The following TTC21B variants were observed in gnomAD, a reference collection of about 807,000 sequenced individuals.
TTC21B encodes the protein tetratricopeptide repeat domain 21B, also known as tetratricopeptide repeat protein 21B.
Under a neutral mutation model 175.1 loss-of-function variants are expected in TTC21B, and 127 were observed. The observed-to-expected ratio is 0.73, with a 90% CI of 0.63 to 0.84. TTC21B has a LOEUF of 0.84. Ranked by LOEUF, TTC21B falls within the 40% of genes least tolerant of loss-of-function variation. TTC21B has a pLI of 0.00. For synonymous variants in TTC21B, 524 were observed against 524.5 expected (o/e 1.00, Z 0.01); for missense variants, 1,561 against 1,558.3 (o/e 1.00, Z -0.03).
chr2:165,953,624 A>G (rs1687828176), intron 1 of TTC21B, 61 bp downstream of exon 1: 1 of 1,486,994 alleles, frequency 6.7e-7, no homozygotes, highest in East Asian at 2.5e-5. Flanking sequence ...CCCGGGCCAA[A>G]AGGCCGCAAA....
At chr2:165,909,229 T>C (rs1406274152) in intron 18 of TTC21B, among the ~76,000 whole-genome samples, 1 of 152,080 alleles carries the variant, frequency 6.6e-6, no homozygotes, top group African/African-American at 2.4e-5. Context: ...AAAACTTGTA[T>C]GTGGAATAAA....
At position 165,935,611 on chromosome 2, in the gene TTC21B, C is replaced by A. The variant is rs542825688; in HGVS notation, c.711-2554G>T. On this transcript the variant is annotated intron_variant, in intron 6 of 28. Coordinates refer to ENST00000243344, the MANE Select transcript of TTC21B (RefSeq NM_024753.5). ...TCCTGGAATCAACAAGCGATTATAGCAAGATTGTAGGATATGAGGTTAATA... is the reference window on the plus strand; with the variant it reads ...TCCTGGAATCAACAAGCGATTATAGAAAGATTGTAGGATATGAGGTTAATA... Among the ~76,000 whole-genome samples, 13 of 152,124 alleles carry A rather than the reference C, an allele frequency of 8.5e-5. No homozygotes were observed. In the South Asian group the frequency reaches 2.7e-3, roughly 32 times the overall value.
In TTC21B at chr2:165,888,465, A is replaced by C. The variant is rs1295298917; in HGVS notation, c.3273T>G (p.Thr1091=). 1 of 1,611,956 alleles carries C rather than the reference A, an allele frequency of 6.2e-7. No individual in the cohort carries two copies. Among genetic ancestry groups the C allele is most frequent in the East Asian group, 2.2e-5 (1 of 44,772 alleles). Residue 1091 remains threonine (T), a synonymous_variant, in exon 25 of 29, where the codon ACT becomes ACG. Transcript: ENST00000243344. ...CCAGTTGCACAGATTCTTGCTTCTC[A>C]GTTGAATTACTGTATATAATTAAAA... ...ENLDGDLGNS[T]EKQESVQLAV... is the part of the protein sequence containing the mutation.
chr2:165,937,379 C>T (rs1356220960), intron 6 of TTC21B, among the ~76,000 whole-genome samples: 1 of 152,102 alleles, frequency 6.6e-6, no homozygotes, highest in African/African-American at 2.4e-5. Context: ...CATGTGATTA[C>T]ACATTTGTCC....
chr2:165,922,095 T>C (rs1458060838), intron 12 of TTC21B, among the ~76,000 whole-genome samples: 2 of 152,108 alleles, frequency 1.3e-5, no homozygotes, highest in East Asian at 3.9e-4. Flanking sequence ...CAATTAAGTA[T>C]TACTAGATTG....
intron 3 of TTC21B, chr2:165,948,589 T>C (rs1687660412): frequency 6.6e-6 from 1 of 152,258 alleles, no homozygotes; most frequent in African/African-American, 2.4e-5. Flanking sequence ...TTTACAATCC[T>C]ATTAGCTGTT....
intron 13 of TTC21B, among the ~76,000 whole-genome samples, chr2:165,918,933 T>C (rs768195848): frequency 1.3e-5 from 2 of 152,210 alleles, no homozygotes; most frequent in Non-Finnish European, 2.9e-5. Flanking sequence ...TAAAAATATT[T>C]GACATAAGGA....
chr2:165,885,936 T>C (rs1455136129), intron 25 of TTC21B, among the ~76,000 whole-genome samples: 6 of 152,240 alleles, frequency 3.9e-5, no homozygotes, highest in Non-Finnish European at 8.8e-5. Context: ...GCTGTTATTA[T>C]AAACATCTCA....
chr2:165,887,286 G>A (rs771123363), intron 25 of TTC21B, among the ~76,000 whole-genome samples: 5 of 152,278 alleles, frequency 3.3e-5, no homozygotes, highest in Admixed American at 6.5e-5. Flanking sequence ...TCATTGAATG[G>A]AAGAACAAAC....
chr2:165,928,116 T>C (rs1007495849), intron 11 of TTC21B, among the ~76,000 whole-genome samples: 1 of 152,168 alleles, frequency 6.6e-6, no homozygotes, highest in Admixed American at 6.6e-5. Context: ...CTGTTAATGC[T>C]TGGAAAAGAA....
intron 12 of TTC21B, among the ~76,000 whole-genome samples, chr2:165,923,728 C>T (rs963297839): frequency 2.0e-5 from 3 of 150,090 alleles, no homozygotes; most frequent in Non-Finnish European, 3.0e-5. Flanking sequence ...AGGCATGAGC[C>T]ACCACGCCCA....
chr2:165,882,732 C>T (rs1482814539), intron 26 of TTC21B, among the ~76,000 whole-genome samples: 1 of 152,202 alleles, frequency 6.6e-6, no homozygotes, highest in African/African-American at 2.4e-5. Context: ...CTGAATGAAG[C>T]TTCTAAAGCA....
rs1686557380 is a variant in TTC21B at position 165,924,641 on chromosome 2, C to T, written c.1424G>A (p.Arg475Lys). ...SPGQPLCPLL[R>K]RCISVLETVV... is the part of the protein sequence containing the mutation. ...AGTCTCCAGGACTGAGATGCAACGC[C>T]TGAGAAGTGGACAAAGAGGTTGCCC... Residue 475 changes from arginine to lysine, a missense_variant, in exon 12 of 29, where the codon AGG (arginine) becomes AAG (lysine). By Grantham distance (26) the Arg-to-Lys change is conservative. Coordinates refer to ENST00000243344, the MANE Select transcript of TTC21B (RefSeq NM_024753.5). 1.9e-6 allele frequency: 3 copies of T among 1,613,708 alleles called. No homozygotes were observed. The highest frequency in any genetic ancestry group is 2.5e-6 in the Non-Finnish European group (3 of 1,179,782).
intron 11 of TTC21B, among the ~76,000 whole-genome samples, chr2:165,927,357 TTA>T (rs1306861608): frequency 0.021 from 1,903 of 92,424 alleles, 272 homozygotes; most frequent in Admixed American, 0.078. Flanking sequence ...ATAATATATT[TTA>T]TATATATATA....
rs1348819343 is a variant in TTC21B, at chr2:165,890,574, GC to G, written c.3167del (p.Gly1056AlafsTer8). 4 of 1,613,634 alleles carry G rather than the reference GC, an allele frequency of 2.5e-6. No homozygotes were observed. ...FNKARKDRDWGQNALYNMIEI... is the reference protein window; with the variant it reads ...FNKARKDRDWXQNALYNMIEI... Reference sequence around the variant, plus strand: ...CTATCATATTATAAAGGGCATTTTGGCCCCAGTCACGATCTTTCCGAGCTTT... The same window carrying G: ...CTATCATATTATAAAGGGCATTTTGGCCCAGTCACGATCTTTCCGAGCTTT... On this transcript the variant is annotated frameshift_variant, in exon 24 of 29. Coordinates refer to ENST00000243344, the MANE Select transcript of TTC21B (RefSeq NM_024753.5). LOFTEE classifies it high-confidence loss of function.
Position 165,945,602 on chromosome 2 carries a change from A to G in TTC21B, c.351T>C (p.Phe117=). 6.2e-7 allele frequency: 1 copy of G among 1,613,858 alleles called. No homozygotes were observed. The highest frequency in any genetic ancestry group is 1.3e-5 in the African/African-American group (1 of 75,044). The change falls in exon 4 of 29, where the codon TTT becomes TTC. Residue 117 remains phenylalanine, a synonymous_variant. Coordinates refer to ENST00000243344, the MANE Select transcript of TTC21B (RefSeq NM_024753.5). ...GEKALYHAGL[F]LWHIGRHDKA... Reference sequence around the variant, plus strand: ...TATCATGGCGACCAATGTGCCATAAAAATAAGCCTGCATGGTATAAGGCTT... The same window carrying G: ...TATCATGGCGACCAATGTGCCATAAGAATAAGCCTGCATGGTATAAGGCTT...
rs112997809 is a variant in TTC21B, at chr2:165,927,272, A to C, written c.1386+1863T>G. 4.6e-4 allele frequency among the ~76,000 whole-genome samples: 36 copies of C among 79,062 alleles called. 2 individuals are homozygous for C. Among genetic ancestry groups the C allele is most frequent in the African/African-American group, 1.4e-3 (29 of 20,524 alleles). The allele number at this position is 79,062 out of a possible 152,430, so 51.9% of individuals were successfully genotyped here. ...TATATATATATATATCCTAGTAGTT[A>C]TATATATATATATCCTAGTAGTTAT... is the stretch of plus-strand genomic sequence containing the variant. On this transcript the variant is annotated intron_variant, in intron 11 of 28. Transcript: ENST00000243344.
chr2:165,947,194 T>TATATATATATATATATATATATG, intron 3 of TTC21B: 1 of 52,232 alleles, frequency 1.9e-5, no homozygotes, highest in African/African-American at 1.6e-4. Context: ...ATATATATAT[T>TATATATATATATATATATATATG]AGTATCTGCT....
intron 20 of TTC21B, 128 bp from the exon 21 acceptor site, chr2:165,900,008 C>CAAAAAAAAAA (rs200057550): frequency 7.5e-6 from 1 of 133,054 alleles, no homozygotes; most frequent in Admixed American, 8.7e-5. Context: ...GTATAATAGA[C>CAAAAAAAAAA]AAAAAAAAAA....
Sources: allele counts gnomAD v4.1 joint callset (sites outside exome capture counted in the v4.1 genomes callset), GRCh38; gene constraint gnomAD v4.1.1; transcripts MANE v1.5; gene names NCBI Gene and HGNC (gene_info 2026-07-23, HGNC 2026-07-21).